Variants in HLA-G observed in about 807,000 individuals in gnomAD.
HLA-G encodes the protein HLA class I histocompatibility antigen, alpha chain G.
HLA-G carries 34 observed loss-of-function variants against 39.3 expected under a neutral mutation model. That is an observed-to-expected ratio of 0.86 (90% CI 0.66 to 1.15). The LOEUF (loss-of-function observed/expected upper bound fraction) is 1.15, where lower values mean the gene tolerates loss of function less well. Among genes scored for constraint, HLA-G ranks in the 50% most tolerant of loss-of-function variants. The pLI, the probability that HLA-G is intolerant of heterozygous loss-of-function variation, is 0.00. For synonymous variants in HLA-G, 183 were observed against 185.8 expected, an observed-to-expected ratio of 0.99 and a Z score of 0.12; for missense variants, 419 against 456.4, an observed-to-expected ratio of 0.92 and a Z score of 0.75.
At chr6:29,829,989 G>T (rs1337376064) in intron 5 of HLA-G, 57 bp downstream of exon 5, 22 of 1,280,166 alleles carry the variant, frequency 1.7e-5, no homozygotes, top group Non-Finnish European at 2.3e-5. Context: ...GGGGTTTCAA[G>T]CCCCAGGTAG....
rs1203737354 is a variant in HLA-G, at chr6:29,828,265, G to C, written c.292G>C (p.Asp98His). ...GAACACCAAGGCCCACGCACAGACTGACAGAATGAACCTGCAGACCCTGCG... is the reference window on the plus strand; with the variant it reads ...GAACACCAAGGCCCACGCACAGACTCACAGAATGAACCTGCAGACCCTGCG... ...TRNTKAHAQT[D>H]RMNLQTLRGY... The change falls in exon 2 of 7, where the codon GAC becomes CAC. Residue 98 changes from aspartate to histidine, a missense_variant. Physicochemically the swap from Asp to His is moderately conservative, Grantham distance 81. Coordinates refer to ENST00000360323, the MANE Select transcript of HLA-G (RefSeq NM_001384290.1). The C allele has an allele frequency of 1.2e-6, 2 of 1,613,628 alleles. No homozygotes were observed.
chr6:29,829,802 ACCT>A lies in HLA-G; in HGVS notation c.896-10_896-8del. ...CTGGGGGTCAGAGACCCTCACCTTC[ACCT>A]CCTTTCCCAGAGCAGTCTTCCCTGC... On this transcript the variant is annotated splice_polypyrimidine_tract_variant and intron_variant, in intron 4 of 6. Transcript: ENST00000360323. 6.2e-7 allele frequency: 1 copy of A among 1,609,248 alleles called. No individual in the cohort carries two copies. The highest frequency in any genetic ancestry group is 1.1e-5 in the South Asian group (1 of 90,684).
At chr6:29,830,059 G>C in intron 5 of HLA-G, 127 bp downstream of exon 5, 1 of 742,548 alleles carries the variant, frequency 1.3e-6, no homozygotes, top group African/African-American at 1.8e-5. Flanking sequence ...TACCCAGCCT[G>C]GGCCCTGTGT....
At chr6:29,826,949 C>T, upstream of HLA-G, 1 of 481,458 alleles carries the variant, frequency 2.1e-6, no homozygotes, top group Non-Finnish European at 4.3e-6. Context: ...AAAGTTTGTG[C>T]TGGCTCCTGG....
At position 29,828,665 on chromosome 6, in the gene HLA-G, T is replaced by C. The variant is rs536339156; in HGVS notation, c.466T>C (p.Ser156Pro). 6.2e-7 allele frequency: 1 copy of C among 1,613,504 alleles called. No individual in the cohort carries two copies. Among genetic ancestry groups the C allele is most frequent in the Non-Finnish European group, 8.5e-7 (1 of 1,180,026 alleles). The change falls in exon 3 of 7, where the codon TCC becomes CCC. Residue 156 changes from serine to proline, a missense_variant. Coordinates refer to ENST00000360323, the MANE Select transcript of HLA-G (RefSeq NM_001384290.1). ...DYLALNEDLRSWTAADTAAQI... is the reference protein window; with the variant it reads ...DYLALNEDLRPWTAADTAAQI... ...CCTCGCCCTGAACGAGGACCTGCGCTCCTGGACCGCAGCGGACACTGCGGC... is the reference window on the plus strand; with the variant it reads ...CCTCGCCCTGAACGAGGACCTGCGCCCCTGGACCGCAGCGGACACTGCGGC...
upstream of HLA-G, chr6:29,827,057 T>C (rs1267835769): frequency 3.8e-6 from 2 of 519,736 alleles, no homozygotes; most frequent in South Asian, 1.5e-5. Context: ...AAATTTAAAA[T>C]AAAACAAGCG....
In HLA-G at chr6:29,828,040, C is replaced by T; in HGVS notation, c.74-7C>T. The T allele has an allele frequency of 6.2e-7, 1 of 1,609,332 alleles. No homozygotes were observed. The highest frequency in any genetic ancestry group is 8.5e-7 in the Non-Finnish European group (1 of 1,178,484). ...TCGGGCGGGTCTCAACCCCTCCTCGCCCCCAGGCTCCCACTCCATGAGGTA... is the reference window on the plus strand; with the variant it reads ...TCGGGCGGGTCTCAACCCCTCCTCGTCCCCAGGCTCCCACTCCATGAGGTA... On this transcript the variant is annotated splice_region_variant and splice_polypyrimidine_tract_variant and intron_variant, in intron 1 of 6. Transcript: ENST00000360323.
Position 29,828,740 on chromosome 6 carries a change from A to G in HLA-G, c.541A>G (p.Arg181Gly). Residue 181 changes from arginine to glycine, a missense_variant, in exon 3 of 7, where the codon AGA becomes GGA. Physicochemically the swap from Arg to Gly is moderately radical, Grantham distance 125 (BLOSUM62 -2). Coordinates refer to ENST00000360323, the MANE Select transcript of HLA-G (RefSeq NM_001384290.1). ...GGCGGCCAATGTGGCTGAACAAAGG[A>G]GAGCCTACCTGGAGGGCACGTGCGT... is the stretch of plus-strand genomic sequence containing the variant. ...CEAANVAEQR[R>G]AYLEGTCVEW... is the part of the protein sequence containing the mutation. 6.2e-7 allele frequency: 1 copy of G among 1,613,968 alleles called. No homozygotes were observed. Among genetic ancestry groups the G allele is most frequent in the Non-Finnish European group, 8.5e-7 (1 of 1,180,026 alleles).
chr6:29,830,363 A>G lies in HLA-G; in HGVS notation c.1013-15A>G, dbSNP rs915667. On this transcript the variant is annotated splice_polypyrimidine_tract_variant and intron_variant, in intron 5 of 6. Coordinates refer to ENST00000360323, the MANE Select transcript of HLA-G (RefSeq NM_001384290.1). ...CCACCTTTCTGGCCTCTCACAGGAC[A>G]TTTTCTTCCCACAGATTGAAAAGGA... 0.46 allele frequency: 743,763 copies of G among 1,609,026 alleles called. 176,925 individuals carry two copies. The highest frequency in any genetic ancestry group is 0.65 in the East Asian group (28,945 of 44,826).
rs1761224240 is a variant in HLA-G at position 29,830,877 on chromosome 6, C to G, written c.*138C>G. Reference sequence around the variant, plus strand: ...GCCCACCCCTGTGCCCACCATGACCCTCTTCCTCATGCTGAACTGCATTCC... The same window carrying G: ...GCCCACCCCTGTGCCCACCATGACCGTCTTCCTCATGCTGAACTGCATTCC... On this transcript the variant is annotated 3_prime_UTR_variant, in exon 7 of 7. Coordinates refer to ENST00000360323, the MANE Select transcript of HLA-G (RefSeq NM_001384290.1). 3 of 377,126 alleles carry G rather than the reference C, an allele frequency of 8.0e-6. No individual in the cohort carries two copies. Among genetic ancestry groups the G allele is most frequent in the South Asian group, 5.7e-5 (3 of 52,926 alleles). The allele number at this position is 377,126 out of a possible 1,614,324, so 23.4% of individuals were successfully genotyped here.
At chr6:29,827,786 G>A (rs752110494), upstream of HLA-G, 2 of 1,530,112 alleles carry the variant, frequency 1.3e-6, no homozygotes, top group Admixed American at 1.7e-5. Context: ...GCGTCGCCGC[G>A]GTCCTGGTTC....
chr6:29,830,653 A>C (rs1489356267), intron 6 of HLA-G, 115 bp from the exon 7 acceptor site: 7 of 671,754 alleles, frequency 1.0e-5, no homozygotes. Flanking sequence ...AACAGGGGAC[A>C]TAGCTGTGCT....
chr6:29,828,485 G>A lies in HLA-G; in HGVS notation c.344-58G>A. On this transcript the variant is annotated intron_variant, in intron 2 of 6. Coordinates refer to ENST00000360323, the MANE Select transcript of HLA-G (RefSeq NM_001384290.1). ...GGCGCCTTTACCAAAATCCCCGCGGGTGGGTCCGGGCGAGGGCGAGGCTCG... is the reference window on the plus strand; with the variant it reads ...GGCGCCTTTACCAAAATCCCCGCGGATGGGTCCGGGCGAGGGCGAGGCTCG... 2.5e-6 allele frequency: 4 copies of A among 1,581,742 alleles called. 1 individual carries two copies. The Middle Eastern group carries it at 5.2e-4, about 204-fold the overall frequency.
rs142486093 is a variant in HLA-G at position 29,828,643 on chromosome 6, C to A, written c.444C>A (p.Leu148=). ...EQYAYDGKDY[L]ALNEDLRSWT... ...ATGCCTACGATGGCAAGGATTACCT[C>A]GCCCTGAACGAGGACCTGCGCTCCT... The change falls in exon 3 of 7, where the codon CTC becomes CTA. Residue 148 remains leucine, a synonymous_variant. Transcript: ENST00000360323. 39 of 1,613,112 alleles carry A rather than the reference C, an allele frequency of 2.4e-5. No individual in the cohort carries two copies. Among genetic ancestry groups the A allele is most frequent in the Non-Finnish European group, 3.3e-5 (39 of 1,180,018 alleles).
Position 29,829,911 on chromosome 6 carries a change from C to T in HLA-G, c.991C>T (p.Leu331=). The part of the protein sequence containing the change: ...VVTGAAVAAV[L]WRKKSSD ...CACTGGAGCTGCGGTCGCTGCTGTG[C>T]TGTGGAGAAAGAAGAGCTCAGGTAA... The change falls in exon 5 of 7, where the codon CTG becomes TTG. Residue 331 remains leucine, a synonymous_variant. Coordinates refer to ENST00000360323, the MANE Select transcript of HLA-G (RefSeq NM_001384290.1). The T allele has an allele frequency of 6.2e-7, 1 of 1,613,120 alleles. No homozygotes were observed. Among genetic ancestry groups the T allele is most frequent in the Non-Finnish European group, 8.5e-7 (1 of 1,179,318 alleles).
intron 2 of HLA-G, 42 bp from the exon 3 acceptor site, chr6:29,828,501 G>A: frequency 1.3e-6 from 2 of 1,597,442 alleles, no homozygotes; most frequent in Non-Finnish European, 1.7e-6. Context: ...CCGGGCGAGG[G>A]CGAGGCTCGG....
rs1760800999 is a variant in HLA-G at position 29,827,864 on chromosome 6, G to T, written c.20G>T (p.Arg7Leu). The change falls in exon 1 of 7, where the codon CGA becomes CTA. Residue 7 changes from arginine (R) to leucine (L), a missense_variant. Physicochemically the swap from Arg to Leu is moderately radical, Grantham distance 102 (BLOSUM62 -2). This residue lies in a region of HLA-G where 91 missense variants were observed against 133.4 expected (regional missense o/e 0.68). Coordinates refer to ENST00000360323, the MANE Select transcript of HLA-G (RefSeq NM_001384290.1). ...CCAAGGATGGTGGTCATGGCGCCCC[G>T]AACCCTCTTCCTGCTGCTCTCGGGG... MVVMAP[R>L]TLFLLLSGAL... 1.9e-6 allele frequency: 3 copies of T among 1,613,372 alleles called. No individual in the cohort carries two copies. Among genetic ancestry groups the T allele is most frequent in the East Asian group, 2.2e-5 (1 of 44,846 alleles).
At chr6:29,827,156 A>T (rs2735022), upstream of HLA-G, 6 of 466,624 alleles carry the variant, frequency 1.3e-5, no homozygotes, top group Non-Finnish European at 2.7e-5. Context: ...ATATACCAAC[A>T]GGCCAAAGTC....
At chr6:29,827,742 C>T, upstream of HLA-G, 1 of 1,181,596 alleles carries the variant, frequency 8.5e-7, no homozygotes, top group Non-Finnish European at 1.3e-6. Flanking sequence ...GTTCTCACTC[C>T]CATTAGGTGA....
Sources: allele counts gnomAD v4.1 joint callset, GRCh38; gene constraint gnomAD v4.1.1; regional missense constraint gnomAD v4.1.1; transcripts MANE v1.5; gene names NCBI Gene and HGNC (gene_info 2026-07-23, HGNC 2026-07-21).